The following STPG2 variants were observed in gnomAD, a reference collection of about 807,000 sequenced individuals.
The protein encoded by STPG2 is sperm-tail PG-rich repeat-containing protein 2.
STPG2 carries 56 observed loss-of-function variants against 54.2 expected under a neutral mutation model. The ratio of observed to expected loss-of-function variants is 1.03; its 90% CI spans 0.83 to 1.29. The LOEUF is 1.29. Ranked by LOEUF, STPG2 falls within the 50% of genes most tolerant of loss-of-function variation. The pLI is 0.00. For synonymous variants in STPG2, 200 were observed against 181.8 expected (o/e 1.10, Z -0.81); for missense variants, 596 against 544.9 (o/e 1.09, Z -0.93).
chr4:97,795,534 T>C (rs1240357709), intron 9 of STPG2, among the ~76,000 whole-genome samples: 1 of 152,242 alleles, frequency 6.6e-6, no homozygotes, highest in Non-Finnish European at 1.5e-5. Context: ...ACTCATCTTT[T>C]TTATGGCAGC....
intron 4 of STPG2, among the ~76,000 whole-genome samples, chr4:97,503,354 G>A (rs772087021): frequency 6.6e-6 from 1 of 151,886 alleles, no homozygotes; most frequent in Non-Finnish European, 1.5e-5. Context: ...TGAGAAGACC[G>A]CATAGTTTAA....
At chr4:97,443,721 G>C (rs1429494133) in intron 4 of STPG2, among the ~76,000 whole-genome samples, 1 of 151,980 alleles carries the variant, frequency 6.6e-6, no homozygotes, top group African/African-American at 2.4e-5. Flanking sequence ...AAATCTAAAG[G>C]AAATCCTCCC....
chr4:98,089,496 T>G (rs1053074548), intron 5 of STPG2, among the ~76,000 whole-genome samples: 2 of 152,090 alleles, frequency 1.3e-5, no homozygotes, highest in Non-Finnish European at 2.9e-5. Context: ...AATTGCGAAC[T>G]GTGCTACTAA....
At chr4:98,043,222 T>G (rs1737019858) in intron 5 of STPG2, among the ~76,000 whole-genome samples, 1 of 152,110 alleles carries the variant, frequency 6.6e-6, no homozygotes, top group African/African-American at 2.4e-5. Context: ...ATGTGTATCC[T>G]TGAATCTAAA....
intron 8 of STPG2, among the ~76,000 whole-genome samples, chr4:97,903,378 T>G (rs1434768629): frequency 6.6e-6 from 1 of 151,836 alleles, no homozygotes; most frequent in Non-Finnish European, 1.5e-5. Context: ...TTACACTTCA[T>G]TATAGCTGGA....
chr4:97,744,219 T>C (rs1012450484), intron 9 of STPG2, among the ~76,000 whole-genome samples: 4 of 151,406 alleles, frequency 2.6e-5, no homozygotes, highest in African/African-American at 4.8e-5. Flanking sequence ...TGTAACATTA[T>C]TTCCTATAAA....
chr4:97,540,743 C>G (rs1731677655), intron 4 of STPG2, among the ~76,000 whole-genome samples: 1 of 152,082 alleles, frequency 6.6e-6, no homozygotes, highest in Non-Finnish European at 1.5e-5. Flanking sequence ...AAACTGAATC[C>G]AGCAGCACAT....
In STPG2 at chr4:97,807,876, T is replaced by C. The variant is rs1727620659; in HGVS notation, c.1204+32897A>G. 2.0e-5 allele frequency among the ~76,000 whole-genome samples: 3 copies of C among 151,404 alleles called. 1 individual carries two copies. The South Asian group carries it at 6.2e-4, about 31-fold the overall frequency. The stretch of plus-strand genomic sequence containing the variant: ...TAAAATTTTCAAAAACCAAAGACAA[T>C]GAGAAAATTTTGGAAGCATCATGAA... On this transcript the variant is annotated intron_variant, in intron 9 of 10. Transcript: ENST00000295268.
chr4:97,986,414 C>T (rs1734835054), intron 5 of STPG2, among the ~76,000 whole-genome samples: 1 of 152,150 alleles, frequency 6.6e-6, no homozygotes, highest in South Asian at 2.1e-4. Context: ...GAAATGGTTA[C>T]TGCAAAATAT....
chr4:97,540,793 T>A (rs895275910), intron 4 of STPG2, among the ~76,000 whole-genome samples: 5 of 152,074 alleles, frequency 3.3e-5, no homozygotes, highest in Admixed American at 1.3e-4. Flanking sequence ...GCTTCATTCC[T>A]GGGATGGAAG....
At chr4:97,849,164 C>G (rs1578618955) in intron 8 of STPG2, among the ~76,000 whole-genome samples, 1 of 148,662 alleles carries the variant, frequency 6.7e-6, no homozygotes, top group Admixed American at 6.7e-5. Context: ...TTTGTATCCT[C>G]TTTTATTTCC....
At chr4:97,829,726 A>G (rs562205958) in intron 9 of STPG2, among the ~76,000 whole-genome samples, 2 of 152,284 alleles carry the variant, frequency 1.3e-5, no homozygotes, top group South Asian at 2.1e-4. Context: ...TTCATGAAGC[A>G]TATACAAGTA....
rs185731070 is a variant in STPG2 at position 97,791,550 on chromosome 4, T to C, written c.1204+49223A>G. 3.4e-3 allele frequency among the ~76,000 whole-genome samples: 522 copies of C among 152,260 alleles called. 2 individuals are homozygous for C. The highest frequency in any genetic ancestry group is 5.7e-3 in the Non-Finnish European group (388 of 67,988). ...ATATAGTTTATATATTAAAGTCACA[T>C]TGAAGTCTCAAGCTGATAAGTTTTC... is the stretch of plus-strand genomic sequence containing the variant. On this transcript the variant is annotated intron_variant, in intron 9 of 10. Transcript: ENST00000295268.
chr4:97,973,344 G>A (rs1734397613), intron 6 of STPG2, among the ~76,000 whole-genome samples: 1 of 152,132 alleles, frequency 6.6e-6, no homozygotes, highest in Admixed American at 6.5e-5. Context: ...ATGATTTAGG[G>A]TATCTGGCAG....
intron 10 of STPG2, among the ~76,000 whole-genome samples, chr4:97,589,231 A>AAAAAC (rs1227453912): frequency 6.6e-6 from 1 of 151,966 alleles, no homozygotes; most frequent in East Asian, 1.9e-4. Context: ...TTGCTGAATA[A>AAAAAC]AATCACCAAA....
intron 4 of STPG2, among the ~76,000 whole-genome samples, chr4:97,549,086 G>T (rs1731908696): frequency 2.5e-5 from 1 of 40,414 alleles, no homozygotes; most frequent in East Asian, 5.4e-4. Context: ...TTCAGACATG[G>T]TATTGAATGA....
chr4:97,884,551 T>C (rs1156698206), intron 8 of STPG2, among the ~76,000 whole-genome samples: 1 of 152,150 alleles, frequency 6.6e-6, no homozygotes, highest in Non-Finnish European at 1.5e-5. Context: ...ACTTCGCTCT[T>C]GCACTTCTAG....
At position 97,815,719 on chromosome 4, in the gene STPG2, T is replaced by G. The variant is rs184918751; in HGVS notation, c.1204+25054A>C. Among the ~76,000 whole-genome samples the G allele has an allele frequency of 5.3e-5, 8 of 152,288 alleles. No homozygotes were observed. In the East Asian group the frequency reaches 9.7e-4, roughly 18 times the overall value. On this transcript the variant is annotated intron_variant, in intron 9 of 10. Transcript: ENST00000295268. ...AGTGCATTTTTGGTTGTACACAGGA[T>G]AGCTGCACTATGTTAGGCAGAAGTA...
At chr4:97,869,985 A>C (rs771668362) in intron 8 of STPG2, among the ~76,000 whole-genome samples, 13 of 151,532 alleles carry the variant, frequency 8.6e-5, no homozygotes, top group Non-Finnish European at 1.6e-4. Flanking sequence ...TCCTTCATTT[A>C]AAATTCTGCT....
Sources: gnomAD v4.1 joint callset for allele counts (sites outside exome capture counted in the v4.1 genomes callset) on GRCh38, gnomAD v4.1.1 for gene constraint, MANE v1.5 for transcripts, NCBI Gene and HGNC (gene_info 2026-07-23, HGNC 2026-07-21) for gene names.